The following GRAMD1C variants were observed in gnomAD, a reference collection of about 807,000 sequenced individuals.
GRAMD1C encodes protein Aster-C.
A neutral mutation model predicts 97.8 loss-of-function variants in GRAMD1C; 89 were observed. The ratio of observed to expected loss-of-function variants is 0.91; its 90% confidence interval spans 0.77 to 1.09. The LOEUF is 1.09. Among genes scored for constraint, GRAMD1C ranks in the 50% least tolerant of loss-of-function variants. The pLI is 0.00. For synonymous variants in GRAMD1C, 256 were observed against 267.0 expected (o/e 0.96, Z 0.40); for missense variants, 740 against 766.4 (o/e 0.97, Z 0.41).
intron 2 of GRAMD1C, among the ~76,000 whole-genome samples, chr3:113,867,217 G>A (rs913360214): frequency 5.9e-5 from 9 of 152,126 alleles, no homozygotes; most frequent in African/African-American, 2.2e-4. Flanking sequence ...TTATATTTCT[G>A]GCGGTTTTAA....
Position 113,872,391 on chromosome 3 carries a change from C to CTTTTTTTTTTT in GRAMD1C, c.259+2811_259+2821dup, listed in dbSNP as rs777339692. Among the ~76,000 whole-genome samples the CTTTTTTTTTTT allele has an allele frequency of 3.6e-4, 42 of 117,462 alleles. 1 individual carries two copies. Among genetic ancestry groups the CTTTTTTTTTTT allele is most frequent in the South Asian group, 8.4e-4 (3 of 3,556 alleles). 77.1% of individuals were successfully genotyped at this position (117,462 alleles called of 152,430 possible). On this transcript the variant is annotated intron_variant, in intron 3 of 17. Transcript: ENST00000358160. Reference sequence around the variant, plus strand: ...ATGAATCCACTTCATTCTTTTTTTTCTTTTTTTTTTTTTTTTTTTTTGAGA... The same window carrying CTTTTTTTTTTT: ...ATGAATCCACTTCATTCTTTTTTTTCTTTTTTTTTTTTTTTTTTTTTTTTTTTTTTTTGAGA...
intron 6 of GRAMD1C, among the ~76,000 whole-genome samples, chr3:113,892,094 A>G (rs1398868603): frequency 6.6e-6 from 1 of 152,128 alleles, no homozygotes; most frequent in Non-Finnish European, 1.5e-5. Flanking sequence ...CCAGTAAAAT[A>G]AATCCACAAG....
In GRAMD1C at chr3:113,884,359, A is replaced by G. The variant is rs553284623; in HGVS notation, c.540+1527A>G. Among the ~76,000 whole-genome samples, 21 of 152,346 alleles carry G rather than the reference A, an allele frequency of 1.4e-4. No homozygotes were observed. In the South Asian group the frequency reaches 2.1e-3, roughly 15 times the overall value. ...TAAACAGAATACTTGTAAATAACCA[A>G]TGGGTGAAAGAAGAAATCATGAGGG... On this transcript the variant is annotated intron_variant, in intron 6 of 17. Transcript: ENST00000358160.
chr3:113,868,502 T>C (rs1056190681), intron 2 of GRAMD1C, among the ~76,000 whole-genome samples: 2 of 152,212 alleles, frequency 1.3e-5, no homozygotes, highest in Admixed American at 1.3e-4. Context: ...AGAGTAAATT[T>C]ATGAAATCTG....
intron 2 of GRAMD1C, chr3:113,850,431 C>A: frequency 8.4e-7 from 1 of 1,197,218 alleles, no homozygotes; most frequent in Non-Finnish European, 1.2e-6. Context: ...CAAGGCCTGC[C>A]AGTCTCTGGA....
At chr3:113,940,484 C>T (rs1937720108) in intron 17 of GRAMD1C, 139 bp downstream of exon 17, 4 of 586,362 alleles carry the variant, frequency 6.8e-6, no homozygotes. Context: ...CTGCCAGTCT[C>T]TAGTATGCAA....
At chr3:113,905,698 CT>C (rs569942384) in intron 8 of GRAMD1C, among the ~76,000 whole-genome samples, 5,737 of 144,572 alleles carry the variant, frequency 0.04, 221 homozygotes, top group African/African-American at 0.1. Flanking sequence ...GGTCTCATAA[CT>C]TTTTTTTTTT....
chr3:113,938,103 G>C lies in GRAMD1C; in HGVS notation c.1651G>C (p.Glu551Gln). The change falls in exon 15 of 18, where the codon GAA becomes CAA. Residue 551 changes from glutamate to glutamine, a missense_variant. Coordinates refer to ENST00000358160, the MANE Select transcript of GRAMD1C (RefSeq NM_017577.5). ...GDITGKKKEM[E>Q]NYNVTLIVVM... ...ATCTACAGGAAAGAAAAAGGAAATG[G>C]AAAACTATAACGTCACTCTTATTGT... 1 of 1,533,306 alleles carries C rather than the reference G, an allele frequency of 6.5e-7. No individual in the cohort carries two copies. Among genetic ancestry groups the C allele is most frequent in the Admixed American group, 1.9e-5 (1 of 53,872 alleles). The allele number at this position is 1,533,306 out of a possible 1,614,324, so 95.0% of individuals were successfully genotyped here.
intron 17 of GRAMD1C, among the ~76,000 whole-genome samples, chr3:113,942,545 C>A (rs1188212404): frequency 2.0e-5 from 3 of 152,096 alleles, no homozygotes; most frequent in African/African-American, 7.2e-5. Context: ...CAGTCTCCAA[C>A]CTGGTGGATT....
chr3:113,915,818 C>A lies in GRAMD1C; in HGVS notation c.1070C>A (p.Ala357Asp). The A allele has an allele frequency of 6.2e-7, 1 of 1,610,246 alleles. No homozygotes were observed. ...AGTTCACGCTTTATGCAGAAATTTG[C>A]CAGTTCTAGAAATATAATAGGTTAG... ...FTSSRFMQKF[A>D]SSRNIIDVVS... is the part of the protein sequence containing the mutation. Residue 357 changes from alanine to aspartate, a missense_variant, in exon 10 of 18, where the codon GCC becomes GAC. Physicochemically the swap from Ala to Asp is moderately radical, Grantham distance 126. Transcript: ENST00000358160.
chr3:113,878,787 C>T (rs1935149164), intron 5 of GRAMD1C, among the ~76,000 whole-genome samples: 1 of 152,144 alleles, frequency 6.6e-6, no homozygotes, highest in Non-Finnish European at 1.5e-5. Flanking sequence ...ACCACTGGGC[C>T]TTTGTATAAC....
chr3:113,912,616 C>T (rs1577197343), intron 9 of GRAMD1C, among the ~76,000 whole-genome samples: 1 of 151,892 alleles, frequency 6.6e-6, no homozygotes, highest in Non-Finnish European at 1.5e-5. Context: ...GCCTATAGTC[C>T]TAGCTACGCA....
chr3:113,900,883 A>G, intron 6 of GRAMD1C, 148 bp from the exon 7 acceptor site: 1 of 442,188 alleles, frequency 2.3e-6, no homozygotes, highest in Non-Finnish European at 4.1e-6. Flanking sequence ...TGCAAAATGG[A>G]GGTACAGAAA....
At chr3:113,930,579 A>G (rs1937377635) in intron 10 of GRAMD1C, 135 bp from the exon 11 acceptor site, 7 of 540,376 alleles carry the variant, frequency 1.3e-5, no homozygotes, top group Non-Finnish European at 2.3e-5. Context: ...TGTTAAACTT[A>G]TAATACCCAG....
intron 12 of GRAMD1C, among the ~76,000 whole-genome samples, 165 bp downstream of exon 12, chr3:113,933,818 C>G (rs933640266): frequency 5.9e-5 from 9 of 152,184 alleles, no homozygotes; most frequent in African/African-American, 2.2e-4. Context: ...CTAAGGCCCC[C>G]GCTTGATGAA....
chr3:113,883,523 T>TC (rs1935337552), intron 6 of GRAMD1C, among the ~76,000 whole-genome samples: 2 of 138,470 alleles, frequency 1.4e-5, no homozygotes, highest in African/African-American at 5.4e-5. Context: ...AGATCCTGTT[T>TC]CAAAAAAAAA....
chr3:113,868,776 T>C (rs1934678617), intron 2 of GRAMD1C, among the ~76,000 whole-genome samples: 1 of 152,206 alleles, frequency 6.6e-6, no homozygotes, highest in Non-Finnish European at 1.5e-5. Flanking sequence ...CTTGTGTCTT[T>C]GGCCAGGAAA....
At chr3:113,926,755 AGATT>A (rs1937241714) in intron 10 of GRAMD1C, among the ~76,000 whole-genome samples, 1 of 152,098 alleles carries the variant, frequency 6.6e-6, no homozygotes. Flanking sequence ...CACTTCTGGA[AGATT>A]TCAGGGGGCC....
upstream of GRAMD1C, among the ~76,000 whole-genome samples, chr3:113,835,511 C>G (rs117218018): frequency 6.6e-6 from 1 of 152,316 alleles, no homozygotes; most frequent in African/African-American, 2.4e-5. Context: ...AAAGGTCTTA[C>G]TACAGGATTT....
Sources: gnomAD v4.1 joint callset for allele counts (sites outside exome capture counted in the v4.1 genomes callset) on GRCh38, gnomAD v4.1.1 for gene constraint, MANE v1.5 for transcripts, NCBI Gene and HGNC (gene_info 2026-07-23, HGNC 2026-07-21) for gene names.